Variants in SNX29 observed in about 807,000 individuals in gnomAD.
SNX29 encodes the protein sorting nexin-29.
Under a neutral mutation model 102.1 loss-of-function variants are expected in SNX29, and 78 were observed. The observed-to-expected ratio is 0.76, with a 90% CI of 0.64 to 0.92. SNX29 has a LOEUF of 0.92. Among genes scored for constraint, SNX29 ranks in the 40% least tolerant of loss-of-function variants. The pLI, the probability that SNX29 is intolerant of heterozygous loss-of-function variation, is 0.00. For synonymous variants in SNX29, 580 were observed against 414.5 expected (o/e 1.40, Z -4.85); for missense variants, 1,280 against 1,061.7 (o/e 1.21, Z -2.86).
chr16:12,300,352 T>C (rs902153811), intron 15 of SNX29, among the ~76,000 whole-genome samples: 2 of 152,186 alleles, frequency 1.3e-5, no homozygotes, highest in African/African-American at 4.8e-5. Flanking sequence ...GTCCCCATAA[T>C]GCCTTGGAGA....
chr16:11,984,539 A>G (rs774769194), intron 1 of SNX29, among the ~76,000 whole-genome samples: 2 of 152,018 alleles, frequency 1.3e-5, no homozygotes, highest in Admixed American at 6.6e-5. Flanking sequence ...ACAGTCCATC[A>G]TTCATCATTT....
intron 15 of SNX29, among the ~76,000 whole-genome samples, chr16:12,344,859 C>A (rs529830860): frequency 6.6e-6 from 1 of 152,232 alleles, no homozygotes; most frequent in Non-Finnish European, 1.5e-5. Context: ...GCAAGCCAGC[C>A]TGTAACCACT....
At chr16:12,385,164 C>G (rs1032412421) in intron 16 of SNX29, among the ~76,000 whole-genome samples, 4 of 152,178 alleles carry the variant, frequency 2.6e-5, no homozygotes, top group African/African-American at 9.7e-5. Context: ...GAGCGAAACT[C>G]CATCTCAAAA....
chr16:12,047,116 C>G (rs2050120262), intron 6 of SNX29, among the ~76,000 whole-genome samples: 1 of 152,208 alleles, frequency 6.6e-6, no homozygotes, highest in Admixed American at 6.5e-5. Flanking sequence ...CTTTTCTTTC[C>G]TCTCTGTGAG....
intron 1 of SNX29, among the ~76,000 whole-genome samples, chr16:11,989,976 G>A (rs2150984267): frequency 6.6e-6 from 1 of 152,344 alleles, no homozygotes; most frequent in South Asian, 2.1e-4. Flanking sequence ...GCCTGGTTTT[G>A]TGGAGGTTGA....
intron 18 of SNX29, among the ~76,000 whole-genome samples, chr16:12,424,562 T>C (rs1349311840): frequency 6.6e-6 from 1 of 152,198 alleles, no homozygotes; most frequent in Admixed American, 6.5e-5. Context: ...TAAAAATCTT[T>C]ATTAGCAGTA....
intron 13 of SNX29, among the ~76,000 whole-genome samples, chr16:12,140,711 G>A (rs939548527): frequency 6.6e-6 from 1 of 152,140 alleles, no homozygotes; most frequent in Non-Finnish European, 1.5e-5. Context: ...ATTCTAAGCG[G>A]TAGCCCGAAG....
intron 15 of SNX29, among the ~76,000 whole-genome samples, chr16:12,283,441 T>C (rs1167067188): frequency 6.6e-6 from 1 of 151,962 alleles, no homozygotes; most frequent in Non-Finnish European, 1.5e-5. Flanking sequence ...TGTCTCAGGC[T>C]CCTGAGTAGC....
chr16:12,357,625 C>T (rs570111926), intron 16 of SNX29, among the ~76,000 whole-genome samples: 12 of 152,282 alleles, frequency 7.9e-5, no homozygotes, highest in African/African-American at 2.9e-4. Context: ...TTGAGGCCAT[C>T]GCCACCACCC....
chr16:12,192,741 C>G (rs1331252146), intron 13 of SNX29, among the ~76,000 whole-genome samples: 1 of 152,090 alleles, frequency 6.6e-6, no homozygotes, highest in African/African-American at 2.4e-5. Flanking sequence ...GTCTCACTTT[C>G]ACCCAGGCTG....
rs138598111 is a variant in SNX29 at position 12,210,236 on chromosome 16, G to A, written c.1678+10553G>A. Among the ~76,000 whole-genome samples, 865 of 152,278 alleles carry A rather than the reference G, an allele frequency of 5.7e-3. 6 individuals carry two copies. The highest frequency in any genetic ancestry group is 0.02 in the African/African-American group (818 of 41,552). ...TGCTGCTGGGGTCTCAGAGCAGGAG[G>A]CACATGCCTTTACTTGCTGGATTTG... On this transcript the variant is annotated intron_variant, in intron 14 of 20. Coordinates refer to ENST00000566228, the MANE Select transcript of SNX29 (RefSeq NM_032167.5).
chr16:12,262,504 A>G (rs2078805114), intron 14 of SNX29, among the ~76,000 whole-genome samples: 1 of 152,220 alleles, frequency 6.6e-6, no homozygotes, highest in Admixed American at 6.5e-5. Context: ...AGGCTGGTGG[A>G]ATAGATCGTT....
At chr16:12,342,060 G>C (rs2081624897) in intron 15 of SNX29, among the ~76,000 whole-genome samples, 1 of 152,154 alleles carries the variant, frequency 6.6e-6, no homozygotes, top group Non-Finnish European at 1.5e-5. Flanking sequence ...AGGTAGATGT[G>C]GTCTTGTAAT....
intron 14 of SNX29, among the ~76,000 whole-genome samples, chr16:12,272,343 C>T (rs2079115387): frequency 6.6e-6 from 1 of 152,180 alleles, no homozygotes; most frequent in Non-Finnish European, 1.5e-5. Context: ...GACCTCCTTG[C>T]AGAGGGCAGC....
chr16:12,377,231 C>G (rs997061153), intron 16 of SNX29, among the ~76,000 whole-genome samples: 1 of 152,160 alleles, frequency 6.6e-6, no homozygotes, highest in Non-Finnish European at 1.5e-5. Context: ...AACGTAGGTT[C>G]AGTTGCACTG....
chr16:12,460,724 C>T (rs2086743679), intron 18 of SNX29, among the ~76,000 whole-genome samples: 1 of 146,770 alleles, frequency 6.8e-6, no homozygotes, highest in Non-Finnish European at 1.5e-5. Flanking sequence ...GTGGTGCGAT[C>T]TCAGCTCAAT....
In SNX29 at chr16:12,442,715, C is replaced by G. The variant is rs1287858872; in HGVS notation, c.2038-35004C>G. 5.3e-5 allele frequency among the ~76,000 whole-genome samples: 8 copies of G among 152,032 alleles called. 1 individual carries two copies. The South Asian group carries it at 1.2e-3, about 24-fold the overall frequency. ...AAGTGATCCTCCCACCTCAACCTCT[C>G]GAGTAGCTGGGACTATAGGCACTTG... On this transcript the variant is annotated intron_variant, in intron 18 of 20. Coordinates refer to ENST00000566228, the MANE Select transcript of SNX29 (RefSeq NM_032167.5).
intron 19 of SNX29, among the ~76,000 whole-genome samples, chr16:12,514,938 AAGAG>A (rs1209848842): frequency 4.2e-5 from 6 of 144,208 alleles, no homozygotes; most frequent in African/African-American, 1.3e-4. Flanking sequence ...GAAAGAAAGA[AAGAG>A]AGAAAGAAAG....
At chr16:12,080,814 C>G (rs1249504569) in intron 11 of SNX29, among the ~76,000 whole-genome samples, 2 of 151,960 alleles carry the variant, frequency 1.3e-5, no homozygotes, top group Non-Finnish European at 2.9e-5. Context: ...GCGTCAGCCT[C>G]CCAAGTAGCT....
Sources: allele counts gnomAD v4.1 joint callset (sites outside exome capture counted in the v4.1 genomes callset), GRCh38; gene constraint gnomAD v4.1.1; transcripts MANE v1.5; gene names NCBI Gene and HGNC (gene_info 2026-07-23, HGNC 2026-07-21).